Variants in EPSTI1 observed in about 807,000 individuals in gnomAD.
EPSTI1 encodes the protein epithelial-stromal interaction protein 1.
EPSTI1 carries 66 observed loss-of-function variants against 49.9 expected under a neutral mutation model. That is an observed-to-expected ratio of 1.32 (90% CI 1.08 to 1.62). The LOEUF (loss-of-function observed/expected upper bound fraction) is 1.62, where lower values mean the gene tolerates loss of function less well. Among genes scored for constraint, EPSTI1 ranks in the 40% most tolerant of loss-of-function variants. The probability of loss-of-function intolerance (pLI) is 0.00; values close to 1 mark genes in which losing one functional copy is unlikely to be tolerated. For missense variants in EPSTI1, 394 were observed against 365.5 expected (o/e 1.08, Z -0.64); for synonymous variants, 137 against 130.7 (o/e 1.05, Z -0.33).
At position 42,963,446 on chromosome 13, in the gene EPSTI1, T is replaced by C. The variant is rs138094178; in HGVS notation, c.406-108A>G. The C allele has an allele frequency of 8.1e-3, 6,412 of 791,646 alleles. 38 individuals are homozygous for C. The highest frequency in any genetic ancestry group is 9.9e-3 in the Admixed American group (372 of 37,668). The allele number at this position is 791,646 out of a possible 1,614,324, so 49.0% of individuals were successfully genotyped here. On this transcript the variant is annotated intron_variant, in intron 4 of 10. Transcript: ENST00000313624. Reference sequence around the variant, plus strand: ...GCAAATTACAGTATTGTTTGTGCTATACCTCACCATGATTATAGGTTGTTA... The same window carrying C: ...GCAAATTACAGTATTGTTTGTGCTACACCTCACCATGATTATAGGTTGTTA...
chr13:42,924,012 A>G (rs754750372), intron 7 of EPSTI1, among the ~76,000 whole-genome samples: 1 of 152,226 alleles, frequency 6.6e-6, no homozygotes, highest in African/African-American at 2.4e-5. Context: ...TTCACATTCT[A>G]TAAGTTGACC....
intron 5 of EPSTI1, among the ~76,000 whole-genome samples, chr13:42,956,839 G>A (rs1340903903): frequency 6.6e-6 from 1 of 152,218 alleles, no homozygotes; most frequent in African/African-American, 2.4e-5. Context: ...AGAGAAAGGA[G>A]TAGAAGATAA....
intron 9 of EPSTI1, among the ~76,000 whole-genome samples, chr13:42,897,474 C>G (rs2037226875): frequency 2.0e-5 from 3 of 152,168 alleles, no homozygotes; most frequent in African/African-American, 7.2e-5. Context: ...TAGGACACAG[C>G]CTTTATGGAG....
intron 1 of EPSTI1, 84 bp downstream of exon 1, chr13:42,991,894 A>G: frequency 6.6e-7 from 1 of 1,507,844 alleles, no homozygotes; most frequent in African/African-American, 1.4e-5. Context: ...CTGTGGTTTT[A>G]AACTCCAAGG....
chr13:42,955,540 G>A (rs943893786), intron 5 of EPSTI1, among the ~76,000 whole-genome samples: 5 of 152,140 alleles, frequency 3.3e-5, no homozygotes, highest in Non-Finnish European at 7.4e-5. Flanking sequence ...GGTGACTCAC[G>A]CCTGTAATCC....
Position 42,895,102 on chromosome 13 carries a change from A to T in EPSTI1, c.822T>A (p.Asn274Lys). Residue 274 changes from asparagine (N) to lysine (K), a missense_variant, in exon 10 of 11, where the codon AAT becomes AAA. Transcript: ENST00000313624. ...CTTGGAGTCGGTCCAGAAAAGCATT[A>T]TTTACCCTTTAAAACAATGAAAAAT... is the stretch of plus-strand genomic sequence containing the variant. ...KIHQTEHRRVNNAFLDRLQGK... is the reference protein window; with the variant it reads ...KIHQTEHRRVKNAFLDRLQGK... 1 of 1,611,662 alleles carries T rather than the reference A, an allele frequency of 6.2e-7. No individual in the cohort carries two copies. Among genetic ancestry groups the T allele is most frequent in the Non-Finnish European group, 8.5e-7 (1 of 1,178,734 alleles).
At chr13:42,889,928 A>G (rs1316527539) in intron 10 of EPSTI1, among the ~76,000 whole-genome samples, 4 of 150,782 alleles carry the variant, frequency 2.7e-5, no homozygotes, top group Admixed American at 1.3e-4. Context: ...ATCCAGTTAG[A>G]ATTTTTTTAT....
chr13:42,916,214 G>A (rs922358727), intron 8 of EPSTI1, among the ~76,000 whole-genome samples: 3 of 151,204 alleles, frequency 2.0e-5, no homozygotes, highest in African/African-American at 7.3e-5. Context: ...CCATAACATT[G>A]CCTATTTGAT....
intron 10 of EPSTI1, among the ~76,000 whole-genome samples, chr13:42,894,454 C>T (rs1242231854): frequency 6.6e-6 from 1 of 152,144 alleles, no homozygotes; most frequent in Non-Finnish European, 1.5e-5. Context: ...AATAATATAT[C>T]ATGCACACAA....
At chr13:42,920,436 C>T (rs2037959666) in intron 7 of EPSTI1, among the ~76,000 whole-genome samples, 1 of 152,122 alleles carries the variant, frequency 6.6e-6, no homozygotes. Context: ...AAGAGCAAAC[C>T]TGAAGACTTG....
chr13:42,954,598 G>T (rs1426435453), intron 5 of EPSTI1, among the ~76,000 whole-genome samples: 1 of 152,034 alleles, frequency 6.6e-6, no homozygotes, highest in Non-Finnish European at 1.5e-5. Flanking sequence ...TGTTTGGAGA[G>T]CCTGGAGATA....
chr13:42,891,660 T>G, intron 10 of EPSTI1, among the ~76,000 whole-genome samples: 1 of 152,244 alleles, frequency 6.6e-6, no homozygotes, highest in East Asian at 1.9e-4. Flanking sequence ...TCTAATCATT[T>G]TAGCATGTGA....
chr13:42,927,781 C>T (rs1485671649), intron 6 of EPSTI1, among the ~76,000 whole-genome samples: 1 of 152,156 alleles, frequency 6.6e-6, no homozygotes, highest in Non-Finnish European at 1.5e-5. Context: ...TTATCTTGCC[C>T]AGAATAGACA....
At chr13:42,952,448 G>A (rs1410763788) in intron 6 of EPSTI1, among the ~76,000 whole-genome samples, 1 of 152,156 alleles carries the variant, frequency 6.6e-6, no homozygotes, top group African/African-American at 2.4e-5. Context: ...TCTTCCGGCT[G>A]AGCCTCAAAA....
intron 8 of EPSTI1, among the ~76,000 whole-genome samples, chr13:42,905,324 C>T (rs1337088977): frequency 6.6e-6 from 1 of 152,118 alleles, no homozygotes; most frequent in Non-Finnish European, 1.5e-5. Flanking sequence ...GTGCTGGCAT[C>T]GCTGCACTCA....
At chr13:42,942,551 C>T (rs562368579) in intron 6 of EPSTI1, among the ~76,000 whole-genome samples, 23 of 151,700 alleles carry the variant, frequency 1.5e-4, no homozygotes, top group Non-Finnish European at 3.4e-4. Flanking sequence ...CCAACATTCA[C>T]TCATACAACA....
intron 1 of EPSTI1, among the ~76,000 whole-genome samples, chr13:42,983,878 G>A (rs1267851023): frequency 6.6e-6 from 1 of 152,104 alleles, no homozygotes; most frequent in Non-Finnish European, 1.5e-5. Flanking sequence ...GCTACTAATT[G>A]TTATTTTGGT....
intron 6 of EPSTI1, among the ~76,000 whole-genome samples, chr13:42,930,473 G>T (rs147254072): frequency 6.6e-6 from 1 of 152,216 alleles, no homozygotes; most frequent in Non-Finnish European, 1.5e-5. Flanking sequence ...GCCTATGTAA[G>T]TAAGAGAGTG....
intron 8 of EPSTI1, 29 bp downstream of exon 8, chr13:42,917,512 A>T: frequency 6.4e-7 from 1 of 1,564,018 alleles, no homozygotes; most frequent in Non-Finnish European, 8.8e-7. Context: ...ATAAACAGTT[A>T]GCAATAACTA....
Sources: gnomAD v4.1 joint callset for allele counts (sites outside exome capture counted in the v4.1 genomes callset) on GRCh38, gnomAD v4.1.1 for gene constraint, MANE v1.5 for transcripts, NCBI Gene and HGNC (gene_info 2026-07-23, HGNC 2026-07-21) for gene names.